CNOT10: variants seen among roughly 807,000 people sequenced by gnomAD.
CNOT10 encodes the protein CCR4-NOT transcription complex, subunit 10.
Under a neutral mutation model 94.6 loss-of-function variants are expected in CNOT10, and 30 were observed. That is an observed-to-expected ratio of 0.32 (90% CI 0.24 to 0.43). The LOEUF (loss-of-function observed/expected upper bound fraction) is 0.43. Among genes scored for constraint, CNOT10 ranks in the 20% least tolerant of loss-of-function variants. The pLI is 1.00. For synonymous variants in CNOT10, 289 were observed against 301.6 expected, an observed-to-expected ratio of 0.96 and a Z score of 0.43; for missense variants, 759 against 877.2, an observed-to-expected ratio of 0.87 and a Z score of 1.70.
At chr3:32,748,668 C>A (rs1699820747) in intron 13 of CNOT10, among the ~76,000 whole-genome samples, 1 of 149,572 alleles carries the variant, frequency 6.7e-6, no homozygotes, top group Non-Finnish European at 1.5e-5. Flanking sequence ...GCCCACCACA[C>A]CCGACTAATT....
chr3:32,757,931 T>C (rs1321611150), intron 13 of CNOT10, among the ~76,000 whole-genome samples: 1 of 152,224 alleles, frequency 6.6e-6, no homozygotes, highest in Non-Finnish European at 1.5e-5. Context: ...AGGGACAAAA[T>C]ATAAACTTAT....
At chr3:32,716,459 A>G (rs375494148) in intron 6 of CNOT10, 148 bp downstream of exon 6, 1 of 481,676 alleles carries the variant, frequency 2.1e-6, no homozygotes, top group East Asian at 3.4e-5. Flanking sequence ...GTTTAGAAGC[A>G]CATTTATCCT....
In CNOT10 at chr3:32,701,834, T is replaced by C. The variant is rs1222200894; in HGVS notation, c.23-2034T>C. On this transcript the variant is annotated intron_variant, in intron 1 of 18. Coordinates refer to ENST00000328834, the MANE Select transcript of CNOT10 (RefSeq NM_015442.3). Reference sequence around the variant, plus strand: ...TTTTGACAGAGTCTCACTCTGTTGCTCAGGCTAGAGTGCAGTGGTGCAATC... The same window carrying C: ...TTTTGACAGAGTCTCACTCTGTTGCCCAGGCTAGAGTGCAGTGGTGCAATC... Among the ~76,000 whole-genome samples, 5 of 152,166 alleles carry C rather than the reference T, an allele frequency of 3.3e-5. No homozygotes were observed. The East Asian group carries it at 7.7e-4, about 23-fold the overall frequency.
intron 18 of CNOT10, among the ~76,000 whole-genome samples, chr3:32,771,645 T>C (rs1348971883): frequency 6.6e-6 from 1 of 152,122 alleles, no homozygotes; most frequent in Non-Finnish European, 1.5e-5. Flanking sequence ...GATAGATAGA[T>C]AGATAAATAG....
intron 3 of CNOT10, among the ~76,000 whole-genome samples, chr3:32,706,783 GT>G (rs1262871936): frequency 3.9e-5 from 6 of 152,182 alleles, no homozygotes; most frequent in South Asian, 4.1e-4. Flanking sequence ...TGGAAATTGA[GT>G]TTTCACTGTT....
intron 3 of CNOT10, among the ~76,000 whole-genome samples, chr3:32,707,528 G>T (rs973841522): frequency 3.9e-5 from 6 of 152,202 alleles, no homozygotes; most frequent in Admixed American, 3.3e-4. Flanking sequence ...CCTCGGCCAG[G>T]TGCGGTGGCT....
intron 17 of CNOT10, 166 bp from the exon 18 acceptor site, chr3:32,769,721 G>C (rs1700812483): frequency 1.7e-6 from 1 of 587,692 alleles, no homozygotes; most frequent in Admixed American, 2.8e-5. Context: ...TAGGTTTTAA[G>C]ACAAAAGGAA....
At chr3:32,769,806 C>T in intron 17 of CNOT10, 81 bp from the exon 18 acceptor site, 1 of 1,089,154 alleles carries the variant, frequency 9.2e-7, no homozygotes, top group South Asian at 1.2e-5. Flanking sequence ...AAGTTTGTTA[C>T]CTTGTTGGTT....
At chr3:32,710,433 C>A (rs768824577) in intron 4 of CNOT10, among the ~76,000 whole-genome samples, 1 of 152,136 alleles carries the variant, frequency 6.6e-6, no homozygotes, top group East Asian at 1.9e-4. Flanking sequence ...TTACCACAAT[C>A]CCTCAACAGT....
At chr3:32,745,473 A>ATAAC (rs371636545) in intron 13 of CNOT10, among the ~76,000 whole-genome samples, 150,117 of 152,216 alleles carry the variant, frequency 0.99, 74,066 homozygotes, top group East Asian at 1. Flanking sequence ...TTAAGGATTG[A>ATAAC]ATAAACATTC....
chr3:32,689,618 T>C (rs1327520881), intron 1 of CNOT10, among the ~76,000 whole-genome samples: 2 of 152,170 alleles, frequency 1.3e-5, no homozygotes, highest in Admixed American at 6.5e-5. Flanking sequence ...CTTTTGTCTG[T>C]GTTAGTTGTG....
rs572995242 is a variant in CNOT10 at position 32,755,657 on chromosome 3, C to T, written c.1596-3801C>T. The stretch of plus-strand genomic sequence containing the variant: ...AGATATTTGGTTTAGATTTCTTTAA[C>T]TCACAGGATCTATGGCTTGACAAAT... On this transcript the variant is annotated intron_variant, in intron 13 of 18. Transcript: ENST00000328834. Among the ~76,000 whole-genome samples the T allele has an allele frequency of 1.1e-4, 17 of 151,994 alleles. No homozygotes were observed. In the South Asian group the frequency reaches 3.3e-3, roughly 30 times the overall value.
chr3:32,701,761 T>G (rs1239967171), intron 1 of CNOT10, among the ~76,000 whole-genome samples: 1 of 152,132 alleles, frequency 6.6e-6, no homozygotes, highest in Non-Finnish European at 1.5e-5. Context: ...TAAACCTCAT[T>G]TCTTTATAAA....
intron 4 of CNOT10, among the ~76,000 whole-genome samples, chr3:32,710,147 C>CAA (rs68126514): frequency 1.6e-4 from 11 of 70,606 alleles, no homozygotes; most frequent in East Asian, 3.7e-4. Flanking sequence ...AACTTGCTCT[C>CAA]AAAAAAAAAA....
At chr3:32,737,323 G>A in intron 12 of CNOT10, 87 bp from the exon 13 acceptor site, 1 of 853,662 alleles carries the variant, frequency 1.2e-6, no homozygotes, top group South Asian at 1.6e-5. Flanking sequence ...CAAAAAAAAA[G>A]TTGGGAGTAA....
chr3:32,771,405 A>G (rs1700899721), intron 18 of CNOT10, among the ~76,000 whole-genome samples: 2 of 152,184 alleles, frequency 1.3e-5, no homozygotes, highest in Admixed American at 1.3e-4. Flanking sequence ...GTTCGAAACC[A>G]GCCTAGCCAA....
At chr3:32,744,164 G>T (rs1368708980) in intron 13 of CNOT10, among the ~76,000 whole-genome samples, 1 of 152,206 alleles carries the variant, frequency 6.6e-6, no homozygotes, top group Non-Finnish European at 1.5e-5. Context: ...GCAATTCTGT[G>T]GCAGGAGCCA....
chr3:32,700,396 A>G (rs574981899), intron 1 of CNOT10, among the ~76,000 whole-genome samples: 1 of 152,184 alleles, frequency 6.6e-6, no homozygotes, highest in Non-Finnish European at 1.5e-5. Context: ...CCCCAGTTCC[A>G]CTTTGTAGCA....
At chr3:32,706,536 A>G (rs944908069) in intron 3 of CNOT10, among the ~76,000 whole-genome samples, 1 of 152,114 alleles carries the variant, frequency 6.6e-6, no homozygotes, top group African/African-American at 2.4e-5. Flanking sequence ...CACCTTTTCA[A>G]CCTATTCCAT....
Sources: gnomAD v4.1 joint callset for allele counts (sites outside exome capture counted in the v4.1 genomes callset) on GRCh38, gnomAD v4.1.1 for gene constraint, MANE v1.5 for transcripts, NCBI Gene and HGNC (gene_info 2026-07-23, HGNC 2026-07-21) for gene names.